CTNNA3: variants seen among roughly 807,000 people sequenced by gnomAD.
CTNNA3 encodes the protein catenin alpha 3.
CTNNA3 carries 76 observed loss-of-function variants against 95.7 expected under a neutral mutation model. The ratio of observed to expected loss-of-function variants is 0.79; its 90% CI spans 0.66 to 0.96. The LOEUF is 0.96. Among genes scored for constraint, CTNNA3 ranks in the 40% least tolerant of loss-of-function variants. The pLI is 0.00. For missense variants in CTNNA3, 1,191 were observed against 1,089.8 expected (o/e 1.09, Z -1.31); for synonymous variants, 431 against 374.4 (o/e 1.15, Z -1.74).
At chr10:66,480,109 T>G (rs976841745) in intron 11 of CTNNA3, among the ~76,000 whole-genome samples, 2 of 152,030 alleles carry the variant, frequency 1.3e-5, no homozygotes, top group African/African-American at 4.8e-5. Context: ...AAATGGAAAA[T>G]AGATCTGTTT....
At chr10:66,917,445 A>G (rs1846551228) in intron 7 of CTNNA3, among the ~76,000 whole-genome samples, 5 of 152,210 alleles carry the variant, frequency 3.3e-5, no homozygotes, top group Admixed American at 2.6e-4. Context: ...TTAGAGTAAT[A>G]TAAGGACCCA....
intron 15 of CTNNA3, among the ~76,000 whole-genome samples, chr10:66,047,842 C>T (rs138658981): frequency 0.013 from 2,011 of 151,928 alleles, 65 homozygotes; most frequent in Non-Finnish European, 0.011. Flanking sequence ...ATAGCCAAAC[C>T]GAGACCCAAA....
chr10:66,624,899 T>C (rs1844878574), intron 9 of CTNNA3, among the ~76,000 whole-genome samples: 2 of 152,170 alleles, frequency 1.3e-5, no homozygotes, highest in African/African-American at 4.8e-5. Flanking sequence ...TTGAAATGAT[T>C]GACCAGACTT....
At chr10:66,594,734 G>C (rs970031196) in intron 10 of CTNNA3, among the ~76,000 whole-genome samples, 3 of 152,080 alleles carry the variant, frequency 2.0e-5, no homozygotes, top group Admixed American at 2.0e-4. Context: ...TGATATGGTA[G>C]CATGTAGTAT....
chr10:66,308,045 T>C (rs1320882818), intron 12 of CTNNA3, among the ~76,000 whole-genome samples: 1 of 152,112 alleles, frequency 6.6e-6, no homozygotes. Flanking sequence ...GGGTTTTCAC[T>C]GAAGCATCAT....
chr10:66,530,093 T>G (rs1589382094), intron 10 of CTNNA3, among the ~76,000 whole-genome samples: 1 of 152,298 alleles, frequency 6.6e-6, no homozygotes, highest in South Asian at 2.1e-4. Flanking sequence ...CGTAATTTAA[T>G]TTTTCCCAGA....
intron 9 of CTNNA3, among the ~76,000 whole-genome samples, chr10:66,752,209 C>A (rs569957296): frequency 6.6e-6 from 1 of 152,206 alleles, no homozygotes; most frequent in South Asian, 2.1e-4. Flanking sequence ...TATAAAGTTA[C>A]AGTTTTAAAG....
intron 15 of CTNNA3, among the ~76,000 whole-genome samples, chr10:66,012,748 C>T (rs2079028343): frequency 6.6e-6 from 1 of 152,154 alleles, no homozygotes; most frequent in Non-Finnish European, 1.5e-5. Context: ...TAATTTCGCA[C>T]TGCATATTTC....
At chr10:66,322,096 A>G in intron 12 of CTNNA3, among the ~76,000 whole-genome samples, 1 of 152,160 alleles carries the variant, frequency 6.6e-6, no homozygotes. Flanking sequence ...CAGGCCTCAC[A>G]GAGGATTTCG....
intron 16 of CTNNA3, among the ~76,000 whole-genome samples, chr10:65,967,544 T>C (rs2077999301): frequency 6.6e-6 from 1 of 152,194 alleles, no homozygotes. Flanking sequence ...TTCAATGTAC[T>C]TAGCTGTTAC....
chr10:66,844,721 C>T (rs1158830241), intron 7 of CTNNA3, among the ~76,000 whole-genome samples: 3 of 152,034 alleles, frequency 2.0e-5, no homozygotes, highest in African/African-American at 7.3e-5. Flanking sequence ...CTTTTCATTA[C>T]ATTACATGAC....
intron 10 of CTNNA3, among the ~76,000 whole-genome samples, chr10:66,610,440 G>A (rs1296999709): frequency 6.6e-6 from 1 of 152,034 alleles, no homozygotes; most frequent in Admixed American, 6.6e-5. Context: ...AACTCACATG[G>A]CTGTGTTTCA....
intron 7 of CTNNA3, among the ~76,000 whole-genome samples, chr10:66,912,087 T>C (rs899195939): frequency 2.6e-5 from 4 of 152,212 alleles, no homozygotes; most frequent in Non-Finnish European, 5.9e-5. Flanking sequence ...TTACCAGATT[T>C]TGCATACAGG....
chr10:66,146,380 C>A (rs1216259286), intron 13 of CTNNA3, among the ~76,000 whole-genome samples: 2 of 152,094 alleles, frequency 1.3e-5, no homozygotes, highest in Admixed American at 6.6e-5. Flanking sequence ...GTAATAGATA[C>A]TTTATTTAAC....
chr10:67,065,387 A>G (rs2133233709), intron 7 of CTNNA3, among the ~76,000 whole-genome samples: 1 of 152,336 alleles, frequency 6.6e-6, no homozygotes, highest in Admixed American at 6.5e-5. Flanking sequence ...TAAAGGTATA[A>G]GGGCATTGAT....
intron 11 of CTNNA3, among the ~76,000 whole-genome samples, chr10:66,444,847 C>T (rs1589260102): frequency 1.3e-5 from 2 of 152,250 alleles, no homozygotes; most frequent in Non-Finnish European, 2.9e-5. Context: ...TGTAAATGGG[C>T]TAAATGCTCC....
intron 1 of CTNNA3, among the ~76,000 whole-genome samples, chr10:67,672,737 G>A (rs548361826): frequency 5.3e-5 from 8 of 152,294 alleles, no homozygotes; most frequent in Middle Eastern, 3.4e-3. Flanking sequence ...TTTGGTACCA[G>A]TATCATGCTG....
chr10:65,921,168 A>G (rs1414079345), intron 17 of CTNNA3, among the ~76,000 whole-genome samples: 4 of 152,224 alleles, frequency 2.6e-5, no homozygotes, highest in Admixed American at 1.3e-4. Flanking sequence ...TTACGGATAA[A>G]GGACTTGCTC....
intron 12 of CTNNA3, among the ~76,000 whole-genome samples, chr10:66,362,713 CCT>C: frequency 6.6e-6 from 1 of 150,888 alleles, no homozygotes; most frequent in South Asian, 2.1e-4. Flanking sequence ...ACTACTTCCC[CCT>C]GCCGACCAAA....
Sources: allele counts gnomAD v4.1 joint callset (sites outside exome capture counted in the v4.1 genomes callset), GRCh38; gene constraint gnomAD v4.1.1; transcripts MANE v1.5; gene names NCBI Gene and HGNC (gene_info 2026-07-23, HGNC 2026-07-21).